The following IGSF21 variants were observed in gnomAD, a reference collection of about 807,000 sequenced individuals.
IGSF21 encodes immunoglobulin superfamily member 21.
Under a neutral mutation model 46.8 loss-of-function variants are expected in IGSF21, and 28 were observed. The observed-to-expected ratio is 0.60, with a 90% confidence interval of 0.44 to 0.82. IGSF21 has a LOEUF of 0.82. Ranked by LOEUF, IGSF21 falls within the 40% of genes least tolerant of loss-of-function variation. IGSF21 has a pLI of 0.00. For missense variants in IGSF21, 624 were observed against 665.5 expected, an observed-to-expected ratio of 0.94 and a Z score of 0.69; for synonymous variants, 284 against 273.6, an observed-to-expected ratio of 1.04 and a Z score of -0.38.
At chr1:18,305,404 G>A (rs570501675) in intron 3 of IGSF21, among the ~76,000 whole-genome samples, 3 of 151,338 alleles carry the variant, frequency 2.0e-5, no homozygotes. Context: ...GATGGATAAT[G>A]GATGGATGAT....
At chr1:18,113,861 A>G (rs1480645912) in intron 1 of IGSF21, 4 of 152,140 alleles carry the variant, frequency 2.6e-5, no homozygotes, top group Admixed American at 1.3e-4. Context: ...CAGAGCTCTT[A>G]GCTCAGTCCC....
At chr1:18,249,275 G>A (rs1343314758) in intron 2 of IGSF21, among the ~76,000 whole-genome samples, 2 of 152,184 alleles carry the variant, frequency 1.3e-5, no homozygotes, top group Non-Finnish European at 2.9e-5. Context: ...GAGGTGTAAG[G>A]ACAGGGCAAG....
intron 2 of IGSF21, among the ~76,000 whole-genome samples, chr1:18,268,512 C>T (rs893972823): frequency 1.3e-5 from 2 of 152,120 alleles, no homozygotes; most frequent in Non-Finnish European, 2.9e-5. Flanking sequence ...CGAGATGGGT[C>T]CCAAAGACAG....
intron 3 of IGSF21, among the ~76,000 whole-genome samples, chr1:18,309,398 A>C (rs2085458301): frequency 6.6e-6 from 1 of 152,008 alleles, no homozygotes; most frequent in South Asian, 2.1e-4. Flanking sequence ...CAGATGAGAA[A>C]CCTGAGGCAT....
intron 1 of IGSF21, among the ~76,000 whole-genome samples, chr1:18,134,954 C>T (rs1252598578): frequency 6.6e-6 from 1 of 152,252 alleles, no homozygotes; most frequent in Non-Finnish European, 1.5e-5. Flanking sequence ...AGGGCTGCTA[C>T]TGAGCATATG....
At chr1:18,220,964 C>T (rs950013890) in intron 1 of IGSF21, among the ~76,000 whole-genome samples, 1 of 152,124 alleles carries the variant, frequency 6.6e-6, no homozygotes. Flanking sequence ...CAATGGGAAG[C>T]TCCTGGAGAC....
chr1:18,338,630 C>T (rs33947700), intron 4 of IGSF21, among the ~76,000 whole-genome samples: 40,354 of 152,028 alleles, frequency 0.27, 5,668 homozygotes, highest in African/African-American at 0.35. Flanking sequence ...CATTCTAACG[C>T]GGCCATTTCC....
rs191431043 is a variant in IGSF21 at position 18,322,010 on chromosome 1, C to A, written c.306-12882C>A. ...TGGGGAAACTGAGGCATTAACTTGT[C>A]CCAGATCACTCAACTACAGCATGTT... On this transcript the variant is annotated intron_variant, in intron 3 of 9. Coordinates refer to ENST00000251296, the MANE Select transcript of IGSF21 (RefSeq NM_032880.5). The surrounding 1 kb of genome is among the most constrained non-coding windows in gnomAD (Gnocchi z 4.3). 6.6e-6 allele frequency among the ~76,000 whole-genome samples: 1 copy of A among 152,198 alleles called. No individual in the cohort carries two copies. The highest frequency in any genetic ancestry group is 1.5e-5 in the Non-Finnish European group (1 of 68,034).
chr1:18,367,893 C>T (rs1047905778), intron 6 of IGSF21, among the ~76,000 whole-genome samples: 11 of 151,992 alleles, frequency 7.2e-5, no homozygotes, highest in South Asian at 4.2e-4. Context: ...CGTGAGCCAC[C>T]GCACCCAGCA....
chr1:18,267,400 G>C (rs1034345399), intron 2 of IGSF21, among the ~76,000 whole-genome samples: 1 of 152,184 alleles, frequency 6.6e-6, no homozygotes, highest in Non-Finnish European at 1.5e-5. Flanking sequence ...TCATTTTCCA[G>C]TTCCTTGGCC....
chr1:18,209,167 G>T (rs571724555), intron 1 of IGSF21, among the ~76,000 whole-genome samples: 1 of 152,122 alleles, frequency 6.6e-6, no homozygotes, highest in Non-Finnish European at 1.5e-5. Flanking sequence ...CCTACAAAAA[G>T]GAATAAAATC....
chr1:18,329,440 T>C (rs1272763378), intron 3 of IGSF21, among the ~76,000 whole-genome samples: 2 of 152,154 alleles, frequency 1.3e-5, no homozygotes, highest in African/African-American at 4.8e-5. Flanking sequence ...CCAGGGCTCT[T>C]GACTCCTGGT....
At chr1:18,299,080 G>T (rs1403829920) in intron 3 of IGSF21, among the ~76,000 whole-genome samples, 2 of 152,216 alleles carry the variant, frequency 1.3e-5, no homozygotes. Context: ...GGGGAAATCA[G>T]GGTGATGCTG....
intron 4 of IGSF21, among the ~76,000 whole-genome samples, chr1:18,348,082 A>G (rs1022398899): frequency 1.3e-5 from 2 of 152,236 alleles, no homozygotes; most frequent in African/African-American, 4.8e-5. Flanking sequence ...CACAATCCTT[A>G]GGAGATGGGT....
chr1:18,345,728 C>G (rs2085886135), intron 4 of IGSF21, among the ~76,000 whole-genome samples: 1 of 152,080 alleles, frequency 6.6e-6, no homozygotes, highest in Non-Finnish European at 1.5e-5. Flanking sequence ...AGGGACTGTT[C>G]TGCTTAACAC....
intron 6 of IGSF21, among the ~76,000 whole-genome samples, chr1:18,368,695 C>T (rs2086193302): frequency 1.3e-5 from 2 of 152,140 alleles, no homozygotes; most frequent in Non-Finnish European, 2.9e-5. Flanking sequence ...TCTTCCTCCC[C>T]TGACAGAGCA....
At position 18,365,401 on chromosome 1, in the gene IGSF21, G is replaced by C; in HGVS notation, c.719G>C (p.Arg240Pro). The C allele has an allele frequency of 6.2e-7, 1 of 1,613,764 alleles. No homozygotes were observed. Among genetic ancestry groups the C allele is most frequent in the Admixed American group, 1.7e-5 (1 of 59,986 alleles). The change falls in exon 6 of 10, where the codon CGA (arginine) becomes CCA (proline). Residue 240 changes from arginine to proline, a missense_variant. Arg to Pro is a moderately radical substitution (Grantham distance 103, BLOSUM62 -2). Transcript: ENST00000251296. This position sits in a 1 kb window ranked among gnomAD's most constrained non-coding sequence, Gnocchi z 4.8. ...SLLDAENRGG[R>P]PYTERPSRGL... ...CTGGACGCCGAGAACCGGGGTGGGCGACCCTACACGGAGCGCCCCTCCCGT... is the reference window on the plus strand; with the variant it reads ...CTGGACGCCGAGAACCGGGGTGGGCCACCCTACACGGAGCGCCCCTCCCGT...
chr1:18,111,059 G>GGCCGCCGCAACCGCAAC (rs2086139194), intron 1 of IGSF21: 1 of 152,330 alleles, frequency 6.6e-6, no homozygotes, highest in Admixed American at 6.5e-5. Context: ...GTCTCCGCTA[G>GGCCGCCGCAACCGCAAC]GCCGCCGCAA....
chr1:18,141,943 G>T (rs1402592326), intron 1 of IGSF21, among the ~76,000 whole-genome samples: 1 of 152,122 alleles, frequency 6.6e-6, no homozygotes, highest in African/African-American at 2.4e-5. Flanking sequence ...GGTGGTGCAT[G>T]CCTGTGGTCC....
Sources: allele counts gnomAD v4.1 joint callset (sites outside exome capture counted in the v4.1 genomes callset), GRCh38; gene constraint gnomAD v4.1.1; non-coding constraint Gnocchi (gnomAD v3.1); transcripts MANE v1.5; gene names NCBI Gene and HGNC (gene_info 2026-07-23, HGNC 2026-07-21).